Variants in F8 observed in about 807,000 individuals in gnomAD.
The protein encoded by F8 is antihemophilic factor.
Under a neutral mutation model 140.6 loss-of-function variants are expected in F8, and 12 were observed. The ratio of observed to expected loss-of-function variants is 0.09; its 90% CI spans 0.05 to 0.14. F8 has a LOEUF of 0.14. Ranked by LOEUF, F8 falls within the 10% of genes least tolerant of loss-of-function variation. The pLI is 1.00. For synonymous variants in F8, 585 were observed against 614.6 expected (o/e 0.95, Z 0.71); for missense variants, 1,354 against 1,720.7 (o/e 0.79, Z 3.77).
intron 25 of F8, among the ~76,000 whole-genome samples, chrX:154,837,966 G>T (rs1409981636): frequency 9.0e-6 from 1 of 111,724 alleles, no homozygotes; most frequent in African/African-American, 3.3e-5. Context: ...TATCTACAGT[G>T]TTCTCACCCA....
chrX:155,000,097 C>G (rs1444145807), intron 1 of F8, among the ~76,000 whole-genome samples: 2 of 112,165 alleles, frequency 1.8e-5, no homozygotes, highest in African/African-American at 3.2e-5. Context: ...CTCCCAATTA[C>G]TCATTTATTC....
chrX:155,016,080 T>C (rs1349874452), intron 1 of F8, among the ~76,000 whole-genome samples: 4 of 111,326 alleles, frequency 3.6e-5, no homozygotes, highest in Non-Finnish European at 5.7e-5. Flanking sequence ...CTACCAAAAA[T>C]ACAAAAATTA....
chrX:154,927,456 C>T (rs1557278182), intron 14 of F8, among the ~76,000 whole-genome samples: 2 of 111,873 alleles, frequency 1.8e-5, no homozygotes, highest in African/African-American at 6.5e-5. Flanking sequence ...AGCACAGACA[C>T]TCTATTTATT....
Position 154,944,913 on chromosome X carries a change from G to A in F8, c.2113+2785C>T, listed in dbSNP as rs782176585. ...AAATCATCATTCTCAGTAAACGATCGCAAGAACAAAAAACCAAACACTGCA... is the reference window on the plus strand; with the variant it reads ...AAATCATCATTCTCAGTAAACGATCACAAGAACAAAAAACCAAACACTGCA... On this transcript the variant is annotated intron_variant, in intron 13 of 25. Transcript: ENST00000360256. 3.3e-3 allele frequency among the ~76,000 whole-genome samples: 366 copies of A among 110,432 alleles called. 1 individual carries two copies. The highest frequency in any genetic ancestry group is 5.8e-3 in the Non-Finnish European group (304 of 52,796).
intron 6 of F8, among the ~76,000 whole-genome samples, chrX:154,974,963 T>G (rs1217224374): frequency 1.8e-5 from 2 of 111,873 alleles, no homozygotes; most frequent in African/African-American, 6.5e-5. Context: ...TTTATTTCTG[T>G]TTTTCTTCTT....
At chrX:154,969,241 C>G in intron 7 of F8, 90 bp downstream of exon 7, 1 of 857,145 alleles carries the variant, frequency 1.2e-6, no homozygotes, top group East Asian at 3.3e-5. Context: ...CCTTCAGCAA[C>G]ACACTATATT....
rs1282210567 is a variant in F8 at position 154,999,516 on chromosome X, G to A, written c.228C>T (p.His76=). The change falls in exon 2 of 26, where the codon CAC becomes CAT. Residue 76 remains histidine, a synonymous_variant. Transcript: ENST00000360256. ...GCCTTGGCTTAGCGATGTTGAAAAG[G>A]TGATCCGTGAATTCTACAAACAGAG... ...KKTLFVEFTD[H]LFNIAKPRPP... is the part of the protein sequence containing the mutation. 1 of 1,206,646 alleles carries A rather than the reference G, an allele frequency of 8.3e-7. No homozygotes were observed.
At chrX:154,863,379 A>G (rs1422358743) in intron 22 of F8, 152 bp from the exon 23 acceptor site, 4 of 524,299 alleles carry the variant, frequency 7.6e-6, no homozygotes, top group Non-Finnish European at 9.9e-6. Flanking sequence ...GGATGTTACG[A>G]TGGTAGACAC....
At chrX:154,995,570 G>C (rs1186152073) in intron 3 of F8, among the ~76,000 whole-genome samples, 2 of 111,977 alleles carry the variant, frequency 1.8e-5, no homozygotes, top group African/African-American at 3.2e-5. Context: ...AATCTGAGAT[G>C]AGCCACTGCA....
At position 154,930,149 on chromosome X, in the gene F8, T is replaced by C. The variant is rs1380107673; in HGVS notation, c.3641A>G (p.Gln1214Arg). Residue 1214 changes from glutamine (Q) to arginine (R), a missense_variant, in exon 14 of 26, where the codon CAG becomes CGG. Physicochemically the swap from Gln to Arg is conservative, Grantham distance 43 (BLOSUM62 1). Coordinates refer to ENST00000360256, the MANE Select transcript of F8 (RefSeq NM_000132.4). ...TGTTTCCTTCTTTTCTATTTCTTCC[T>C]GAATTTTTTTTTCTTGATTGTGTGT... ...NNTHNQEKKI[Q>R]EEIEKKETLI... is the part of the protein sequence containing the mutation. 1.7e-6 allele frequency: 2 copies of C among 1,206,303 alleles called. No homozygotes were observed. Among genetic ancestry groups the C allele is most frequent in the Non-Finnish European group, 2.2e-6 (2 of 893,206 alleles).
At chrX:154,940,326 T>C (rs1000820222) in intron 13 of F8, among the ~76,000 whole-genome samples, 4 of 111,730 alleles carry the variant, frequency 3.6e-5, no homozygotes, top group Non-Finnish European at 7.5e-5. Context: ...TTAAAGGACC[T>C]GATGGAGCTG....
intron 1 of F8, among the ~76,000 whole-genome samples, chrX:155,016,367 ATCTG>A (rs1434794479): frequency 1.8e-5 from 2 of 112,166 alleles, no homozygotes; most frequent in African/African-American, 3.2e-5. Context: ...CGTTCAAGAA[ATCTG>A]TCTGGCAGTT....
At chrX:154,933,679 A>G (rs1429023646) in intron 13 of F8, among the ~76,000 whole-genome samples, 1 of 112,216 alleles carries the variant, frequency 8.9e-6, no homozygotes, top group Non-Finnish European at 1.9e-5. Flanking sequence ...AACAGAAGTC[A>G]GGAAACTTAG....
rs1384374956 is a variant in F8 at position 154,947,763 on chromosome X, T to C, written c.2048A>G (p.Tyr683Cys). 8.3e-7 allele frequency: 1 copy of C among 1,210,809 alleles called. No individual in the cohort carries two copies. The highest frequency in any genetic ancestry group is 1.1e-6 in the Non-Finnish European group (1 of 894,653). ...TGGGAATAGGGTGAGTGTGTCTTCA[T>C]AGACCATTTTGTGTTTGAAGGTATA... ...SGYTFKHKMV[Y>C]EDTLTLFPFS... The change falls in exon 13 of 26, where the codon TAT becomes TGT. Residue 683 changes from tyrosine (Y) to cysteine (C), a missense_variant. Tyr to Cys is a radical substitution (Grantham distance 194, BLOSUM62 -2). Transcript: ENST00000360256.
At chrX:154,915,469 T>A (rs1230907944) in intron 14 of F8, among the ~76,000 whole-genome samples, 1 of 112,216 alleles carries the variant, frequency 8.9e-6, no homozygotes, top group Non-Finnish European at 1.9e-5. Context: ...ACCTTTTCAT[T>A]TTTTGTGTGT....
intron 7 of F8, among the ~76,000 whole-genome samples, chrX:154,968,560 G>A (rs1233817513): frequency 1.8e-5 from 2 of 111,857 alleles, no homozygotes; most frequent in Non-Finnish European, 3.8e-5. Context: ...GAAAATTGGG[G>A]TGAAATGATG....
Position 154,837,210 on chromosome X carries a change from G to A in F8, c.*387C>T, listed in dbSNP as rs2072481139. 4.8e-6 allele frequency: 1 copy of A among 207,358 alleles called. No homozygotes were observed. Among genetic ancestry groups the A allele is most frequent in the Non-Finnish European group, 9.0e-6 (1 of 111,601 alleles). 17.1% of individuals were successfully genotyped at this position (207,358 alleles called of 1,213,427 possible). On this transcript the variant is annotated 3_prime_UTR_variant, in exon 26 of 26. Coordinates refer to ENST00000360256, the MANE Select transcript of F8 (RefSeq NM_000132.4). ...ATTTTAAACGTATGAGGCTTAACCT[G>A]AAATGTTAACATCATAAATATCTTT...
chrX:155,005,074 T>C (rs1023137874), intron 1 of F8, among the ~76,000 whole-genome samples: 2 of 111,046 alleles, frequency 1.8e-5, no homozygotes, highest in Non-Finnish European at 3.8e-5. Context: ...GCTCTGAGAG[T>C]TTAGAAGTAC....
At chrX:154,961,010 T>C (rs1381873618) in intron 10 of F8, 65 bp downstream of exon 10, 1 of 730,292 alleles carries the variant, frequency 1.4e-6, no homozygotes, top group Admixed American at 2.3e-5. Flanking sequence ...TTAGTTGTTA[T>C]TGATGATATT....
Sources: gnomAD v4.1 joint callset for allele counts (sites outside exome capture counted in the v4.1 genomes callset) on GRCh38, gnomAD v4.1.1 for gene constraint, MANE v1.5 for transcripts, NCBI Gene and HGNC (gene_info 2026-07-23, HGNC 2026-07-21) for gene names.